PTPRG: variants seen among roughly 807,000 people sequenced by gnomAD.
The protein encoded by PTPRG is protein tyrosine phosphatase receptor type G.
PTPRG carries 102 observed loss-of-function variants against 165.3 expected under a neutral mutation model. The observed-to-expected ratio is 0.62, with a 90% confidence interval of 0.53 to 0.73. The LOEUF (loss-of-function observed/expected upper bound fraction) is 0.73, where lower values mean the gene tolerates loss of function less well. Among genes scored for constraint, PTPRG ranks in the 30% least tolerant of loss-of-function variants. The pLI, the probability that PTPRG is intolerant of heterozygous loss-of-function variation, is 0.00. For missense variants in PTPRG, 1,866 were observed against 1,861.4 expected (o/e 1.00, Z -0.05); for synonymous variants, 675 against 669.5 (o/e 1.01, Z -0.13).
chr3:62,093,015 C>T (rs1701993185), intron 5 of PTPRG, among the ~76,000 whole-genome samples: 1 of 152,178 alleles, frequency 6.6e-6, no homozygotes, highest in Non-Finnish European at 1.5e-5. Flanking sequence ...AATCATGGCT[C>T]CACACTGGAA....
intron 1 of PTPRG, among the ~76,000 whole-genome samples, chr3:61,607,420 C>T (rs62244361): frequency 0.089 from 13,553 of 152,188 alleles, 659 homozygotes; most frequent in Middle Eastern, 0.13. Context: ...ACTGAAATGC[C>T]TGGGGCCAAA....
chr3:62,087,222 C>T (rs1701783028), intron 5 of PTPRG, among the ~76,000 whole-genome samples: 1 of 152,180 alleles, frequency 6.6e-6, no homozygotes, highest in South Asian at 2.1e-4. Flanking sequence ...CCGTGGTCCC[C>T]TAGCTCTTTG....
At chr3:62,231,160 C>G in intron 13 of PTPRG, 65 bp from the exon 14 acceptor site, 4 of 1,273,056 alleles carry the variant, frequency 3.1e-6, no homozygotes, top group Non-Finnish European at 4.2e-6. Context: ...TTGTATGCAA[C>G]TCTTGGTGGC....
At chr3:61,786,109 A>G (rs190381789) in intron 2 of PTPRG, among the ~76,000 whole-genome samples, 7 of 152,296 alleles carry the variant, frequency 4.6e-5, no homozygotes, top group African/African-American at 7.2e-5. Flanking sequence ...CCTTTTTCTC[A>G]TCATTTACTA....
chr3:61,916,664 T>C (rs1201819117), intron 2 of PTPRG, among the ~76,000 whole-genome samples: 1 of 152,236 alleles, frequency 6.6e-6, no homozygotes. Context: ...ATGTTTTTAA[T>C]TGCTTGCATG....
chr3:61,802,530 G>A (rs2035281076), intron 2 of PTPRG, among the ~76,000 whole-genome samples: 1 of 152,226 alleles, frequency 6.6e-6, no homozygotes, highest in African/African-American at 2.4e-5. Context: ...AAGTTGGCCA[G>A]TATTCTTCTT....
At chr3:62,220,632 T>C (rs1700629184) in intron 13 of PTPRG, among the ~76,000 whole-genome samples, 1 of 152,130 alleles carries the variant, frequency 6.6e-6, no homozygotes, top group Admixed American at 6.5e-5. Flanking sequence ...ATGAAGTATG[T>C]TGTATTTTGG....
chr3:62,079,050 G>T (rs569865577), intron 5 of PTPRG, among the ~76,000 whole-genome samples: 1 of 152,314 alleles, frequency 6.6e-6, no homozygotes, highest in African/African-American at 2.4e-5. Flanking sequence ...ATGAGTCTCT[G>T]TTGGAAAATG....
chr3:62,131,591 T>G (rs1410700387), intron 5 of PTPRG, among the ~76,000 whole-genome samples: 1 of 152,172 alleles, frequency 6.6e-6, no homozygotes, highest in Non-Finnish European at 1.5e-5. Context: ...GAGAAGTGGA[T>G]TAGATATAAA....
intron 6 of PTPRG, among the ~76,000 whole-genome samples, chr3:62,139,275 G>A (rs575815160): frequency 1.1e-3 from 170 of 152,146 alleles, no homozygotes; most frequent in African/African-American, 3.8e-3. Context: ...GACCAGCCTG[G>A]TCAACATGTT....
At chr3:61,619,485 G>A (rs1205650865) in intron 1 of PTPRG, among the ~76,000 whole-genome samples, 3 of 152,204 alleles carry the variant, frequency 2.0e-5, no homozygotes, top group South Asian at 4.1e-4. Flanking sequence ...ATGCTGCTGG[G>A]CATCCAGTAG....
intron 2 of PTPRG, among the ~76,000 whole-genome samples, chr3:61,882,083 AC>A (rs1321483760): frequency 6.6e-6 from 1 of 152,130 alleles, no homozygotes; most frequent in Non-Finnish European, 1.5e-5. Context: ...CTGACAGTAT[AC>A]CCCCTTTTAA....
chr3:61,657,975 G>A (rs1702553862), intron 1 of PTPRG, among the ~76,000 whole-genome samples: 1 of 152,002 alleles, frequency 6.6e-6, no homozygotes, highest in African/African-American at 2.4e-5. Flanking sequence ...TGTGCATGTG[G>A]ACAGTGGTTA....
chr3:61,774,000 C>T (rs981757734), intron 2 of PTPRG, among the ~76,000 whole-genome samples: 3 of 152,230 alleles, frequency 2.0e-5, no homozygotes, highest in Admixed American at 1.3e-4. Flanking sequence ...GTCTGAAACT[C>T]CTGACCTTGG....
chr3:62,017,254 A>G (rs1028734793), intron 4 of PTPRG, among the ~76,000 whole-genome samples: 1 of 152,174 alleles, frequency 6.6e-6, no homozygotes, highest in Non-Finnish European at 1.5e-5. Context: ...AAAACTTTTA[A>G]TTCTTCATAA....
chr3:61,898,934 G>A (rs373063624), intron 2 of PTPRG, among the ~76,000 whole-genome samples: 12 of 152,168 alleles, frequency 7.9e-5, no homozygotes, highest in African/African-American at 2.9e-4. Flanking sequence ...TTAGAGACAG[G>A]GCTTCACTCT....
intron 2 of PTPRG, among the ~76,000 whole-genome samples, chr3:61,922,626 G>C (rs1206519908): frequency 1.3e-5 from 2 of 152,170 alleles, no homozygotes; most frequent in African/African-American, 2.4e-5. Context: ...CATATAACTT[G>C]CTCCTTAGCT....
At chr3:62,154,011 T>G (rs1224573742) in intron 6 of PTPRG, among the ~76,000 whole-genome samples, 1 of 152,244 alleles carries the variant, frequency 6.6e-6, no homozygotes, top group Non-Finnish European at 1.5e-5. Flanking sequence ...CTTCACATGT[T>G]TTTGACCTTA....
At chr3:62,164,256 A>T (rs1168665895) in intron 7 of PTPRG, among the ~76,000 whole-genome samples, 1 of 152,160 alleles carries the variant, frequency 6.6e-6, no homozygotes, top group African/African-American at 2.4e-5. Context: ...CCAAGGCAAG[A>T]GTCAGGGTGT....
Sources: allele counts gnomAD v4.1 joint callset (sites outside exome capture counted in the v4.1 genomes callset), GRCh38; gene constraint gnomAD v4.1.1; transcripts MANE v1.5; gene names NCBI Gene and HGNC (gene_info 2026-07-23, HGNC 2026-07-21).